The following RGS6 variants were observed in gnomAD, a reference collection of about 807,000 sequenced individuals.
The protein encoded by RGS6 is regulator of G protein signaling 6, also known as regulator of G-protein signaling 6.
Under a neutral mutation model 78.5 loss-of-function variants are expected in RGS6, and 30 were observed. The ratio of observed to expected loss-of-function variants is 0.38; its 90% CI spans 0.29 to 0.52. RGS6 has a LOEUF of 0.52. Ranked by LOEUF, RGS6 falls within the 20% of genes least tolerant of loss-of-function variation. The pLI is 0.85. For missense variants in RGS6, 495 were observed against 609.7 expected (o/e 0.81, Z 1.98); for synonymous variants, 206 against 206.0 (o/e 1.00, Z 0.00).
intron 2 of RGS6, among the ~76,000 whole-genome samples, chr14:71,987,230 A>C (rs2094753422): frequency 6.6e-6 from 1 of 152,064 alleles, no homozygotes. Flanking sequence ...TGTATTTGTG[A>C]TGGTTGATAT....
At chr14:72,036,200 A>ATAT (rs3053081) in intron 2 of RGS6, among the ~76,000 whole-genome samples, 74,413 of 146,530 alleles carry the variant, frequency 0.51, 19,092 homozygotes, top group African/African-American at 0.58. Context: ...GCATGTAAAC[A>ATAT]TATTATTATT....
chr14:72,278,600 A>G (rs899141858), intron 2 of RGS6, among the ~76,000 whole-genome samples: 2 of 152,194 alleles, frequency 1.3e-5, no homozygotes, highest in African/African-American at 4.8e-5. Context: ...CCACGTACAT[A>G]CATATACATT....
intron 2 of RGS6, among the ~76,000 whole-genome samples, chr14:71,972,661 G>A (rs1290907279): frequency 6.6e-6 from 1 of 152,102 alleles, no homozygotes; most frequent in Non-Finnish European, 1.5e-5. Flanking sequence ...CGGTGTGGAG[G>A]GAGAGTGTTG....
chr14:72,318,838 A>C (rs971420327), intron 2 of RGS6, among the ~76,000 whole-genome samples: 9 of 152,236 alleles, frequency 5.9e-5, no homozygotes, highest in Admixed American at 1.3e-4. Flanking sequence ...GGAAATGCAC[A>C]GTCATCCTGT....
chr14:71,947,916 A>G (rs2091770815), intron 1 of RGS6, among the ~76,000 whole-genome samples: 1 of 152,190 alleles, frequency 6.6e-6, no homozygotes, highest in Non-Finnish European at 1.5e-5. Context: ...AGGAACTTGA[A>G]TGCCATATAA....
chr14:72,505,091 T>C (rs530296744), intron 13 of RGS6, among the ~76,000 whole-genome samples: 2 of 152,202 alleles, frequency 1.3e-5, no homozygotes, highest in African/African-American at 4.8e-5. Flanking sequence ...AGGCTTTTGC[T>C]GACATATATC....
At chr14:72,199,117 A>T (rs1346987362) in intron 2 of RGS6, among the ~76,000 whole-genome samples, 1 of 152,094 alleles carries the variant, frequency 6.6e-6, no homozygotes, top group African/African-American at 2.4e-5. Context: ...ATTGAAGGGG[A>T]GAAGGGAATT....
chr14:72,441,503 C>T (rs988777055), intron 3 of RGS6, among the ~76,000 whole-genome samples: 1 of 152,212 alleles, frequency 6.6e-6, no homozygotes, highest in Non-Finnish European at 1.5e-5. Flanking sequence ...CTGCCAGCTC[C>T]CCTCATGGGC....
At chr14:72,429,279 C>T (rs1460842505) in intron 3 of RGS6, among the ~76,000 whole-genome samples, 7 of 152,230 alleles carry the variant, frequency 4.6e-5, no homozygotes, top group African/African-American at 1.7e-4. Flanking sequence ...CTTTGGGAAT[C>T]ACTTCCATCC....
At chr14:72,549,087 G>C (rs1021321362) in intron 17 of RGS6, among the ~76,000 whole-genome samples, 4 of 152,314 alleles carry the variant, frequency 2.6e-5, no homozygotes, top group African/African-American at 9.6e-5. Context: ...TAAGGAAGGA[G>C]TTTGCTGAGA....
At chr14:72,560,772 G>A (rs1165305043) in intron 17 of RGS6, among the ~76,000 whole-genome samples, 1 of 150,810 alleles carries the variant, frequency 6.6e-6, no homozygotes, top group Admixed American at 6.6e-5. Context: ...TTCAGATAAG[G>A]TTGCTGATGG....
At chr14:72,511,895 T>C (rs1286872776) in intron 14 of RGS6, 1 of 152,244 alleles carries the variant, frequency 6.6e-6, no homozygotes, top group Non-Finnish European at 1.5e-5. Flanking sequence ...TCTCAGAGCT[T>C]CATTTCAATG....
At chr14:71,962,445 T>G (rs1014656241) in intron 1 of RGS6, among the ~76,000 whole-genome samples, 1 of 152,252 alleles carries the variant, frequency 6.6e-6, no homozygotes, top group Non-Finnish European at 1.5e-5. Flanking sequence ...AACGTCTCTA[T>G]TACATGGATA....
At chr14:72,092,835 C>A (rs1464173917) in intron 2 of RGS6, among the ~76,000 whole-genome samples, 2 of 152,204 alleles carry the variant, frequency 1.3e-5, no homozygotes, top group Non-Finnish European at 2.9e-5. Flanking sequence ...ACATTGGTTA[C>A]AATGAACAAA....
intron 1 of RGS6, among the ~76,000 whole-genome samples, chr14:71,959,801 A>C (rs909110858): frequency 1.3e-5 from 2 of 152,136 alleles, no homozygotes; most frequent in African/African-American, 4.8e-5. Flanking sequence ...TTCGATATTC[A>C]TTCTGTGCTG....
At chr14:72,465,597 G>T (rs923588732) in intron 6 of RGS6, among the ~76,000 whole-genome samples, 161 bp from the exon 7 acceptor site, 4 of 149,052 alleles carry the variant, frequency 2.7e-5, no homozygotes, top group African/African-American at 1.0e-4. Flanking sequence ...TGGATGGATG[G>T]ATGGTTGGGT....
At chr14:72,491,874 AG>A (rs1194000844) in intron 12 of RGS6, among the ~76,000 whole-genome samples, 3 of 152,210 alleles carry the variant, frequency 2.0e-5, no homozygotes, top group Non-Finnish European at 4.4e-5. Context: ...GGAATGGTCA[AG>A]TCTGTCACAG....
intron 2 of RGS6, among the ~76,000 whole-genome samples, chr14:72,332,480 CAG>C (rs942541067): frequency 6.6e-6 from 1 of 152,188 alleles, no homozygotes; most frequent in African/African-American, 2.4e-5. Flanking sequence ...ACTGACCTCT[CAG>C]AGAACAGGGG....
chr14:72,417,774 G>T (rs80291845), intron 3 of RGS6, among the ~76,000 whole-genome samples: 2 of 152,168 alleles, frequency 1.3e-5, no homozygotes, highest in South Asian at 2.1e-4. Flanking sequence ...ACATTTAGAC[G>T]AAGTGCTTGA....
Sources: gnomAD v4.1 joint callset for allele counts (sites outside exome capture counted in the v4.1 genomes callset) on GRCh38, gnomAD v4.1.1 for gene constraint, MANE v1.5 for transcripts, NCBI Gene and HGNC (gene_info 2026-07-23, HGNC 2026-07-21) for gene names.